C2CD3: variants seen among roughly 807,000 people sequenced by gnomAD.
C2CD3 encodes C2 domain-containing protein 3.
Under a neutral mutation model 234.0 loss-of-function variants are expected in C2CD3, and 148 were observed. The ratio of observed to expected loss-of-function variants is 0.63; its 90% confidence interval spans 0.55 to 0.72. The LOEUF is 0.72. Among genes scored for constraint, C2CD3 ranks in the 30% least tolerant of loss-of-function variants. The pLI is 0.00. For synonymous variants in C2CD3, 1,000 were observed against 1,035.4 expected (o/e 0.97, Z 0.66); for missense variants, 2,577 against 2,811.5 (o/e 0.92, Z 1.89).
intron 18 of C2CD3, among the ~76,000 whole-genome samples, chr11:74,093,014 C>A (rs1323426022): frequency 6.6e-6 from 1 of 152,182 alleles, no homozygotes; most frequent in Non-Finnish European, 1.5e-5. Context: ...TATGTCAAAA[C>A]AATCCATTCT....
At chr11:74,035,683 A>G (rs1952707084) in intron 30 of C2CD3, among the ~76,000 whole-genome samples, 1 of 151,890 alleles carries the variant, frequency 6.6e-6, no homozygotes, top group South Asian at 2.1e-4. Flanking sequence ...AATGGAGCAT[A>G]ATGGAGGCAG....
chr11:74,103,619 T>A lies in C2CD3; in HGVS notation c.2092A>T (p.Met698Leu). The change falls in exon 14 of 33, where the codon ATG (methionine) becomes TTG (leucine). Residue 698 changes from methionine to leucine, a missense_variant. Transcript: ENST00000334126. The stretch of plus-strand genomic sequence containing the variant: ...TCTTTGTTATCTGTAATAAGCTCCA[T>A]GGTTACCTGTAAAACACAAAAGGAG... ...QSPFGPLKVTMELITDNKDFT... is the reference protein window; with the variant it reads ...QSPFGPLKVTLELITDNKDFT... The A allele has an allele frequency of 6.2e-7, 1 of 1,607,280 alleles. No individual in the cohort carries two copies. The highest frequency in any genetic ancestry group is 1.7e-5 in the Admixed American group (1 of 59,328).
At chr11:74,153,998 C>G (rs982289576) in intron 3 of C2CD3, among the ~76,000 whole-genome samples, 5 of 150,988 alleles carry the variant, frequency 3.3e-5, no homozygotes, top group Non-Finnish European at 1.5e-5. Flanking sequence ...AGTGACAGAA[C>G]AAGAAGATAC....
chr11:74,030,078 C>G (rs1204668366), intron 31 of C2CD3, among the ~76,000 whole-genome samples: 1 of 152,044 alleles, frequency 6.6e-6, no homozygotes, highest in African/African-American at 2.4e-5. Flanking sequence ...AATTCCTGTT[C>G]CTCAGTTCAT....
intron 22 of C2CD3, among the ~76,000 whole-genome samples, chr11:74,084,104 T>C (rs955898853): frequency 1.8e-4 from 28 of 152,144 alleles, no homozygotes; most frequent in African/African-American, 6.8e-4. Flanking sequence ...CATGGAATAC[T>C]ATGCAGCCAT....
intron 3 of C2CD3, among the ~76,000 whole-genome samples, chr11:74,148,204 G>A (rs1054797531): frequency 6.6e-6 from 1 of 151,926 alleles, no homozygotes; most frequent in Non-Finnish European, 1.5e-5. Context: ...TAATTAAAGG[G>A]TTTAAAAATG....
intron 20 of C2CD3, among the ~76,000 whole-genome samples, chr11:74,089,693 T>A (rs1955802382): frequency 6.6e-6 from 1 of 152,174 alleles, no homozygotes; most frequent in Non-Finnish European, 1.5e-5. Context: ...GCTAGAACTA[T>A]GCTAGGAGGT....
chr11:74,101,661 C>T lies in C2CD3; in HGVS notation c.2581-985G>A, dbSNP rs1226425540. On this transcript the variant is annotated intron_variant, in intron 14 of 32. Coordinates refer to ENST00000334126, the MANE Select transcript of C2CD3 (RefSeq NM_001286577.2). ...AAGGCTGAGCAGGAGTTAACTGATA[C>T]AAAAAGCTCTGCTTAAGTGGTGTCA... 3.3e-5 allele frequency among the ~76,000 whole-genome samples: 5 copies of T among 152,062 alleles called. No homozygotes were observed. The East Asian group carries it at 9.6e-4, about 29-fold the overall frequency.
At chr11:74,169,668 A>G (rs189375111) in intron 1 of C2CD3, among the ~76,000 whole-genome samples, 7 of 152,306 alleles carry the variant, frequency 4.6e-5, no homozygotes, top group Non-Finnish European at 1.0e-4. Context: ...CAAAAAGTGT[A>G]TTCTGTTCTA....
chr11:74,150,264 G>C (rs537140737), intron 3 of C2CD3, among the ~76,000 whole-genome samples: 1 of 151,250 alleles, frequency 6.6e-6, no homozygotes, highest in Non-Finnish European at 1.5e-5. Flanking sequence ...ATCACTTCAA[G>C]CCAGGAGTTT....
intron 7 of C2CD3, among the ~76,000 whole-genome samples, chr11:74,132,496 A>C (rs563277036): frequency 6.6e-6 from 1 of 152,368 alleles, no homozygotes; most frequent in Non-Finnish European, 1.5e-5. Flanking sequence ...TGAAGTTCAG[A>C]GATACCTGCT....
intron 26 of C2CD3, among the ~76,000 whole-genome samples, chr11:74,053,597 G>T (rs1471731709): frequency 6.6e-6 from 1 of 152,180 alleles, no homozygotes; most frequent in African/African-American, 2.4e-5. Flanking sequence ...AAAATATGTG[G>T]TTAGACTTTC....
At chr11:74,038,551 A>G (rs1952855902) in intron 29 of C2CD3, among the ~76,000 whole-genome samples, 1 of 152,186 alleles carries the variant, frequency 6.6e-6, no homozygotes, top group East Asian at 1.9e-4. Flanking sequence ...TGGGACTCCA[A>G]GTCATGCTTT....
chr11:74,124,422 T>C (rs1205414433), intron 7 of C2CD3, among the ~76,000 whole-genome samples: 1 of 152,154 alleles, frequency 6.6e-6, no homozygotes, highest in African/African-American at 2.4e-5. Flanking sequence ...TGCTGACATG[T>C]TGGGTCAGAC....
intron 1 of C2CD3, 98 bp downstream of exon 1, chr11:74,170,640 C>T (rs755474000): frequency 3.0e-5 from 43 of 1,413,954 alleles, no homozygotes; most frequent in Non-Finnish European, 4.2e-5. Context: ...TCTTACGTCC[C>T]TTTTCTTGTT....
chr11:74,115,755 T>C (rs554802757), intron 9 of C2CD3, among the ~76,000 whole-genome samples: 23 of 152,132 alleles, frequency 1.5e-4, no homozygotes, highest in Non-Finnish European at 3.2e-4. Flanking sequence ...CAAAACAGCA[T>C]GGTATTGGTA....
chr11:74,135,643 T>C (rs1425574143), intron 5 of C2CD3, among the ~76,000 whole-genome samples: 2 of 152,200 alleles, frequency 1.3e-5, no homozygotes, highest in Non-Finnish European at 2.9e-5. Context: ...GTTTCATAAA[T>C]ACTAGCTGGT....
In C2CD3 at chr11:74,049,306, A is replaced by G. The variant is rs1202168300; in HGVS notation, c.5361+31T>C. The G allele has an allele frequency of 2.5e-6, 4 of 1,573,820 alleles. No homozygotes were observed. In the South Asian group the frequency reaches 4.4e-5, roughly 17 times the overall value. Reference sequence around the variant, plus strand: ...GTTCTTATAGGTCAGTACAATTCGTATTGGTTAGGGATGTGAATCTCCATA... The same window carrying G: ...GTTCTTATAGGTCAGTACAATTCGTGTTGGTTAGGGATGTGAATCTCCATA... On this transcript the variant is annotated intron_variant, in intron 27 of 32. Coordinates refer to ENST00000334126, the MANE Select transcript of C2CD3 (RefSeq NM_001286577.2).
intron 12 of C2CD3, 144 bp downstream of exon 12, chr11:74,108,889 AT>A (rs1253133112): frequency 7.8e-5 from 22 of 283,258 alleles, no homozygotes; most frequent in African/African-American, 4.8e-4. Flanking sequence ...AATAATAATG[AT>A]AATAATAATA....
Sources: gnomAD v4.1 joint callset for allele counts (sites outside exome capture counted in the v4.1 genomes callset) on GRCh38, gnomAD v4.1.1 for gene constraint, MANE v1.5 for transcripts, NCBI Gene and HGNC (gene_info 2026-07-23, HGNC 2026-07-21) for gene names.